The following NOX5 variants were observed in gnomAD, a reference collection of about 807,000 sequenced individuals.
NOX5 encodes the protein NADPH oxidase 5.
NOX5 carries 76 observed loss-of-function variants against 85.7 expected under a neutral mutation model. That is an observed-to-expected ratio of 0.89 (90% CI 0.74 to 1.07). The LOEUF (loss-of-function observed/expected upper bound fraction) is 1.07, where lower values mean the gene tolerates loss of function less well. NOX5 is among the 50% of genes least tolerant of loss of function. The probability of loss-of-function intolerance (pLI) is 0.00; values close to 1 mark genes in which losing one functional copy is unlikely to be tolerated. For missense variants in NOX5, 973 were observed against 999.5 expected (o/e 0.97, Z 0.36); for synonymous variants, 405 against 401.4 (o/e 1.01, Z -0.11).
intron 2 of NOX5, 29 bp downstream of exon 2, chr15:69,026,680 G>A: frequency 6.2e-7 from 1 of 1,613,506 alleles, no homozygotes. Flanking sequence ...TGGAAGCCCT[G>A]CATTTATCGT....
At chr15:69,032,950 G>C in intron 4 of NOX5, 93 bp from the exon 5 acceptor site, 1 of 1,481,974 alleles carries the variant, frequency 6.7e-7, no homozygotes, top group Non-Finnish European at 8.9e-7. Flanking sequence ...TGCCAGACTT[G>C]GTCGGCCATA....
intron 1 of NOX5, 60 bp from the exon 2 acceptor site, chr15:69,026,468 T>A: frequency 6.2e-7 from 1 of 1,608,608 alleles, no homozygotes; most frequent in Non-Finnish European, 8.5e-7. Flanking sequence ...GGGACCACCA[T>A]GAGACCTCAT....
intron 11 of NOX5, chr15:69,047,151 C>T (rs35280069): frequency 5.2e-5 from 29 of 560,602 alleles, no homozygotes; most frequent in African/African-American, 3.4e-4. Flanking sequence ...TGGGCACCCA[C>T]GGCACACACC....
intron 14 of NOX5, among the ~76,000 whole-genome samples, chr15:69,049,580 T>A (rs1340721942): frequency 6.6e-6 from 1 of 152,160 alleles, no homozygotes; most frequent in East Asian, 1.9e-4. Context: ...TTTAAAGGAT[T>A]CCCTTCCAAT....
chr15:69,038,933 C>G lies in NOX5; in HGVS notation c.1448C>G (p.Thr483Ser). 1 of 1,614,142 alleles carries G rather than the reference C, an allele frequency of 6.2e-7. No homozygotes were observed. Among genetic ancestry groups the G allele is most frequent in the Non-Finnish European group, 8.5e-7 (1 of 1,180,028 alleles). The stretch of plus-strand genomic sequence containing the variant: ...GACTACTTGTATCTGAACATCCCCA[C>G]CATTGCTCGCTATGAGTGGCACCCC... The part of the protein sequence containing the change: ...PGDYLYLNIP[T>S]IARYEWHPFT... Residue 483 changes from threonine (T) to serine (S), a missense_variant, in exon 9 of 16, where the codon ACC (threonine) becomes AGC (serine). Transcript: ENST00000388866.
chr15:69,045,545 T>TTTCTTTCTTTCG (rs1441498928), intron 10 of NOX5, among the ~76,000 whole-genome samples: 25 of 131,726 alleles, frequency 1.9e-4, no homozygotes, highest in African/African-American at 8.0e-4. Context: ...TTTTTCTTTC[T>TTTCTTTCTTTCG]TTCTTTCTTT....
At position 69,062,578 on chromosome 15, in the gene NOX5, C is replaced by T. The variant is rs1413685204; in HGVS notation, c.*5882C>T. On this transcript the variant is annotated 3_prime_UTR_variant, in exon 16 of 16. Coordinates refer to ENST00000388866, the MANE Select transcript of NOX5 (RefSeq NM_024505.4). ...TTTAAATAGCATCATTTCGTGCTCC[C>T]CCAGGACACTGTGCAGCTTCGCACC... is the stretch of plus-strand genomic sequence containing the variant. 1 of 152,210 alleles carries T rather than the reference C, an allele frequency of 6.6e-6. No homozygotes were observed. Among genetic ancestry groups the T allele is most frequent in the Non-Finnish European group, 1.5e-5 (1 of 68,060 alleles). The allele number at this position is 152,210 out of a possible 1,614,324, so 9.4% of individuals were successfully genotyped here.
Position 69,017,213 on chromosome 15 carries a change from G to A in NOX5, c.50+2428G>A, listed in dbSNP as rs147559953. Among the ~76,000 whole-genome samples the A allele has an allele frequency of 2.7e-3, 408 of 152,038 alleles. 5 individuals carry two copies. Among genetic ancestry groups the A allele is most frequent in the African/African-American group, 9.6e-3 (399 of 41,456 alleles). On this transcript the variant is annotated intron_variant, in intron 1 of 15. Transcript: ENST00000388866. ...GTCACCCAGGCTGGAGTGCAGTGGC[G>A]TGATCTTGGCTCACTACAACCTCCA...
chr15:69,039,050 G>A (rs1027387154), intron 9 of NOX5, 61 bp downstream of exon 9: 3 of 1,577,144 alleles, frequency 1.9e-6, no homozygotes, highest in Admixed American at 3.4e-5. Flanking sequence ...CGTGGGCCAA[G>A]TACAGGCTGG....
chr15:69,031,114 C>T (rs528160244), intron 3 of NOX5: 53 of 188,322 alleles, frequency 2.8e-4, no homozygotes, highest in African/African-American at 1.1e-3. Flanking sequence ...GCTGTGGCCC[C>T]TCTCAAGACA....
At position 69,037,398 on chromosome 15, in the gene NOX5, G is replaced by A. The variant is rs192162557; in HGVS notation, c.1371+188G>A. Among the ~76,000 whole-genome samples, 14 of 152,300 alleles carry A rather than the reference G, an allele frequency of 9.2e-5. No homozygotes were observed. The East Asian group carries it at 2.3e-3, about 25-fold the overall frequency. On this transcript the variant is annotated intron_variant, in intron 8 of 15. Transcript: ENST00000388866. Reference sequence around the variant, plus strand: ...CAGCCCTCCAGGAGGGAAGCTTTAGGAAGATGAATGGCAGGGCAGGCAATA... The same window carrying A: ...CAGCCCTCCAGGAGGGAAGCTTTAGAAAGATGAATGGCAGGGCAGGCAATA...
At chr15:69,053,715 C>T (rs1054391573) in intron 14 of NOX5, among the ~76,000 whole-genome samples, 1 of 152,100 alleles carries the variant, frequency 6.6e-6, no homozygotes, top group African/African-American at 2.4e-5. Flanking sequence ...GAGTGAGAAC[C>T]ATGCCAGGTC....
intron 1 of NOX5, among the ~76,000 whole-genome samples, chr15:69,018,480 C>A (rs1175350244): frequency 6.6e-6 from 1 of 152,136 alleles, no homozygotes; most frequent in East Asian, 1.9e-4. Flanking sequence ...AGCTGGGACA[C>A]AACCTAGGGA....
At chr15:69,015,910 A>G (rs2050226941) in intron 1 of NOX5, among the ~76,000 whole-genome samples, 1 of 95,200 alleles carries the variant, frequency 1.1e-5, no homozygotes, top group Admixed American at 1.6e-4. Flanking sequence ...AAGCAGAGTC[A>G]TTGTTGGGTC....
chr15:69,028,494 T>C, intron 3 of NOX5, 129 bp downstream of exon 3: 1 of 823,320 alleles, frequency 1.2e-6, no homozygotes, highest in Non-Finnish European at 1.8e-6. Context: ...GACTGGTTTC[T>C]CCAGGTGAGG....
rs1196019436 is a variant in NOX5, at chr15:69,056,597, C to T, written c.2199C>T (p.Gly733=). 1 of 1,613,656 alleles carries T rather than the reference C, an allele frequency of 6.2e-7. No homozygotes were observed. The highest frequency in any genetic ancestry group is 2.2e-5 in the East Asian group (1 of 44,882). Residue 733 remains glycine (G), a synonymous_variant, in exon 16 of 16, where the codon GGC becomes GGT. Coordinates refer to ENST00000388866, the MANE Select transcript of NOX5 (RefSeq NM_024505.4). The part of the protein sequence containing the change: ...VFQKVAAEKK[G]KVQVFFCGSP... ...AGAAAGTGGCTGCTGAGAAGAAGGGCAAGGTGCAGGTCTTCTTCTGTGGCT... is the reference window on the plus strand; with the variant it reads ...AGAAAGTGGCTGCTGAGAAGAAGGGTAAGGTGCAGGTCTTCTTCTGTGGCT...
At chr15:69,041,892 C>G (rs538657555) in intron 9 of NOX5, among the ~76,000 whole-genome samples, 2 of 150,720 alleles carry the variant, frequency 1.3e-5, no homozygotes, top group East Asian at 3.9e-4. Flanking sequence ...CTTTTTAGTT[C>G]ATCAGCTATT....
At position 69,037,045 on chromosome 15, in the gene NOX5, C is replaced by T. The variant is rs1357793148; in HGVS notation, c.1206C>T (p.His402=). ...CCCCATAGGTGTTCTATTGGACTCA[C>T]CTGTCCTACCTCCTCGTGTGGCTTC... ...SGHFEVFYWT[H]LSYLLVWLLL... Residue 402 remains histidine, a synonymous_variant, in exon 8 of 16, where the codon CAC becomes CAT. Coordinates refer to ENST00000388866, the MANE Select transcript of NOX5 (RefSeq NM_024505.4). The T allele has an allele frequency of 3.1e-6, 5 of 1,613,740 alleles. No homozygotes were observed. The highest frequency in any genetic ancestry group is 4.2e-6 in the Non-Finnish European group (5 of 1,179,950).
chr15:69,036,981 C>A lies in NOX5; in HGVS notation c.1189-47C>A, dbSNP rs367742989. 228 of 1,489,840 alleles carry A rather than the reference C, an allele frequency of 1.5e-4. No homozygotes were observed. In the East Asian group the frequency reaches 4.4e-3, roughly 29 times the overall value. The allele number at this position is 1,489,840 out of a possible 1,614,324, so 92.3% of individuals were successfully genotyped here. A position where few individuals can be genotyped will look rare whatever the true frequency, so the allele number is the denominator to read the frequency against. On this transcript the variant is annotated intron_variant, in intron 7 of 15. Transcript: ENST00000388866. ...CCTGAGTCCTGGCTCTGTTCCACCCCCCAGGCCTTGAGCTCTGGAAGTTGA... is the reference window on the plus strand; with the variant it reads ...CCTGAGTCCTGGCTCTGTTCCACCCACCAGGCCTTGAGCTCTGGAAGTTGA...
Sources: allele counts gnomAD v4.1 joint callset (sites outside exome capture counted in the v4.1 genomes callset), GRCh38; gene constraint gnomAD v4.1.1; transcripts MANE v1.5; gene names NCBI Gene and HGNC (gene_info 2026-07-23, HGNC 2026-07-21).